NKAIN3: variants seen among roughly 807,000 people sequenced by gnomAD.
NKAIN3 encodes the protein sodium/potassium-transporting ATPase subunit beta-1-interacting protein 3.
NKAIN3 carries 25 observed loss-of-function variants against 30.2 expected under a neutral mutation model. The observed-to-expected ratio is 0.83, with a 90% CI of 0.60 to 1.16. The LOEUF (loss-of-function observed/expected upper bound fraction) is 1.16. Among genes scored for constraint, NKAIN3 ranks in the 50% most tolerant of loss-of-function variants. The pLI, the probability that NKAIN3 is intolerant of heterozygous loss-of-function variation, is 0.00. For synonymous variants in NKAIN3, 91 were observed against 89.6 expected (o/e 1.02, Z -0.09); for missense variants, 225 against 254.1 (o/e 0.89, Z 0.78).
chr8:62,679,395 C>G (rs1304857533), intron 3 of NKAIN3, among the ~76,000 whole-genome samples: 1 of 152,144 alleles, frequency 6.6e-6, no homozygotes, highest in Non-Finnish European at 1.5e-5. Context: ...CTCTTTGCAG[C>G]ACAGTAAGTA....
Position 62,384,005 on chromosome 8 carries a change from G to A in NKAIN3, c.54+134878G>A, listed in dbSNP as rs1007992141. 4.0e-5 allele frequency among the ~76,000 whole-genome samples: 6 copies of A among 151,138 alleles called. No homozygotes were observed. The Admixed American group carries it at 4.0e-4, about 10-fold the overall frequency. On this transcript the variant is annotated intron_variant, in intron 1 of 6. Transcript: ENST00000623646. ...CAATTCAACTTTTTCTTGTAATTTT[G>A]TAACTTTTCTCTGCTTCTTGGAAGG... is the stretch of plus-strand genomic sequence containing the variant.
Position 62,529,096 on chromosome 8 carries a change from G to A in NKAIN3, c.55-50443G>A, listed in dbSNP as rs540195939. Among the ~76,000 whole-genome samples the A allele has an allele frequency of 2.1e-3, 315 of 152,150 alleles. 4 individuals are homozygous for A. The highest frequency in any genetic ancestry group is 7.1e-3 in the African/African-American group (294 of 41,522). The stretch of plus-strand genomic sequence containing the variant: ...ATCATCCATAGCAGATGAGGTATAG[G>A]TACAGAACACACTCGCATGGGCATA... On this transcript the variant is annotated intron_variant, in intron 1 of 6. Coordinates refer to ENST00000623646, the MANE Select transcript of NKAIN3 (RefSeq NM_001304533.3).
chr8:62,574,360 A>G (rs1397170193), intron 1 of NKAIN3, among the ~76,000 whole-genome samples: 5 of 152,142 alleles, frequency 3.3e-5, no homozygotes, highest in Admixed American at 2.6e-4. Context: ...GGGAGTACAG[A>G]TATCACTTTG....
intron 4 of NKAIN3, among the ~76,000 whole-genome samples, chr8:62,852,606 C>T (rs1586269662): frequency 1.3e-5 from 2 of 151,914 alleles, no homozygotes; most frequent in East Asian, 1.9e-4. Context: ...TATAAATTTC[C>T]CTCTACACAC....
chr8:62,378,989 C>T (rs2129593829), intron 1 of NKAIN3, among the ~76,000 whole-genome samples: 1 of 152,270 alleles, frequency 6.6e-6, no homozygotes, highest in Admixed American at 6.5e-5. Context: ...GTGAAAGCAG[C>T]CTGGATGGGG....
intron 4 of NKAIN3, among the ~76,000 whole-genome samples, chr8:62,798,068 T>C (rs2130686479): frequency 6.6e-6 from 1 of 152,214 alleles, no homozygotes; most frequent in Non-Finnish European, 1.5e-5. Context: ...CTGAGACACA[T>C]GAAGAAGTTA....
chr8:62,980,310 G>A lies in NKAIN3; in HGVS notation c.*14903G>A, dbSNP rs184886868. ...CATTTCTTTGACAATTCTTTTTAAA[G>A]GGGATTGCTCTTTTCTCCTTCTGGT... On this transcript the variant is annotated 3_prime_UTR_variant, in exon 7 of 7. Transcript: ENST00000623646. The A allele has an allele frequency of 1.3e-5, 2 of 152,282 alleles. No homozygotes were observed. Among genetic ancestry groups the A allele is most frequent in the African/African-American group, 4.8e-5 (2 of 41,548 alleles). The allele number at this position is 152,282 out of a possible 1,614,324, so 9.4% of individuals were successfully genotyped here. A position where few individuals can be genotyped will look rare whatever the true frequency, so the allele number is the denominator to read the frequency against.
In NKAIN3 at chr8:62,821,260, A is replaced by G. The variant is rs371429317; in HGVS notation, c.471+74131A>G. 4.6e-5 allele frequency among the ~76,000 whole-genome samples: 7 copies of G among 152,320 alleles called. 1 individual carries two copies. The highest frequency in any genetic ancestry group is 6.5e-5 in the Admixed American group (1 of 15,272). ...TGGCAAAATTTTACATTATTAAAAT[A>G]GAAACACAATGGTGGGTTTTATTTT... On this transcript the variant is annotated intron_variant, in intron 4 of 6. Transcript: ENST00000623646.
At chr8:62,932,716 G>A (rs1443127963) in intron 5 of NKAIN3, among the ~76,000 whole-genome samples, 2 of 151,982 alleles carry the variant, frequency 1.3e-5, no homozygotes, top group African/African-American at 4.8e-5. Flanking sequence ...TTCATACTTG[G>A]CACTCATGGA....
chr8:62,819,133 T>TTATATATATATATATATATA (rs71559380), intron 4 of NKAIN3, among the ~76,000 whole-genome samples: 4 of 98,840 alleles, frequency 4.0e-5, no homozygotes, highest in African/African-American at 1.4e-4. Flanking sequence ...AGAATTATCG[T>TTATATATATATATATATATA]TATATATATA....
intron 4 of NKAIN3, among the ~76,000 whole-genome samples, chr8:62,884,695 A>G (rs1821092494): frequency 6.6e-6 from 1 of 151,952 alleles, no homozygotes; most frequent in African/African-American, 2.4e-5. Context: ...TAAATTATCT[A>G]TTTCTTCTTG....
intron 1 of NKAIN3, among the ~76,000 whole-genome samples, chr8:62,471,337 T>C (rs1329401785): frequency 6.6e-6 from 1 of 152,084 alleles, no homozygotes; most frequent in Non-Finnish European, 1.5e-5. Flanking sequence ...CAAATTGCAA[T>C]ATGTTAACAT....
At position 62,965,433 on chromosome 8, in the gene NKAIN3, C is replaced by T; in HGVS notation, c.*26C>T. The T allele has an allele frequency of 1.2e-5, 12 of 985,724 alleles. No homozygotes were observed. The highest frequency in any genetic ancestry group is 1.3e-5 in the Non-Finnish European group (11 of 829,912). The allele number at this position is 985,724 out of a possible 1,614,324, so 61.1% of individuals were successfully genotyped here. A position where few individuals can be genotyped will look rare whatever the true frequency, so the allele number is the denominator to read the frequency against. Reference sequence around the variant, plus strand: ...GGAGCAAAGGACCATTGACTGCGCGCCTCGGTGGATCCGACCCGCCTGACA... The same window carrying T: ...GGAGCAAAGGACCATTGACTGCGCGTCTCGGTGGATCCGACCCGCCTGACA... On this transcript the variant is annotated 3_prime_UTR_variant, in exon 7 of 7. Transcript: ENST00000623646.
chr8:62,394,799 G>A (rs1563378674), intron 1 of NKAIN3, among the ~76,000 whole-genome samples: 1 of 150,572 alleles, frequency 6.6e-6, no homozygotes, highest in Non-Finnish European at 1.5e-5. Context: ...GCCAAGCAGA[G>A]ACTCTCATCA....
chr8:62,993,640 G>A (rs16930060), intron 5 of NKAIN3, among the ~76,000 whole-genome samples: 14,832 of 152,020 alleles, frequency 0.098, 712 homozygotes, highest in South Asian at 0.17. Flanking sequence ...TTTTGCAAAC[G>A]AATCACTCTT....
intron 4 of NKAIN3, among the ~76,000 whole-genome samples, chr8:62,801,919 C>T (rs1818078089): frequency 6.6e-6 from 1 of 152,040 alleles, no homozygotes; most frequent in South Asian, 2.1e-4. Flanking sequence ...CAGAGAAGTG[C>T]TTAAAGGAGC....
intron 4 of NKAIN3, among the ~76,000 whole-genome samples, chr8:62,866,785 G>A (rs1022598219): frequency 9.9e-5 from 15 of 151,760 alleles, no homozygotes; most frequent in African/African-American, 2.9e-4. Flanking sequence ...AGTGGCTCAC[G>A]CCTCTAATCC....
chr8:62,747,151 T>C (rs1816101321), intron 4 of NKAIN3, 22 bp downstream of exon 4: 1 of 1,515,856 alleles, frequency 6.6e-7, no homozygotes, highest in Non-Finnish European at 9.1e-7. Flanking sequence ...TTTTGTGTCA[T>C]TATCTAATCA....
At chr8:62,785,140 C>T (rs1817474499) in intron 4 of NKAIN3, among the ~76,000 whole-genome samples, 1 of 152,096 alleles carries the variant, frequency 6.6e-6, no homozygotes, top group Non-Finnish European at 1.5e-5. Flanking sequence ...AGACATAAAT[C>T]CACACAAAAA....
Sources: gnomAD v4.1 joint callset for allele counts (sites outside exome capture counted in the v4.1 genomes callset) on GRCh38, gnomAD v4.1.1 for gene constraint, MANE v1.5 for transcripts, NCBI Gene and HGNC (gene_info 2026-07-23, HGNC 2026-07-21) for gene names.